CDON: variants seen among roughly 807,000 people sequenced by gnomAD.
The protein encoded by CDON is cell adhesion molecule-related/down-regulated by oncogenes.
Under a neutral mutation model 120.9 loss-of-function variants are expected in CDON, and 73 were observed. The ratio of observed to expected loss-of-function variants is 0.60; its 90% CI spans 0.50 to 0.73. CDON has a LOEUF of 0.73. Ranked by LOEUF, CDON falls within the 30% of genes least tolerant of loss-of-function variation. The pLI, the probability that CDON is intolerant of heterozygous loss-of-function variation, is 0.00. For missense variants in CDON, 1,470 were observed against 1,587.3 expected (o/e 0.93, Z 1.26); for synonymous variants, 566 against 573.5 (o/e 0.99, Z 0.19).
chr11:126,018,519 A>G, intron 4 of CDON, 46 bp from the exon 5 acceptor site: 2 of 1,504,878 alleles, frequency 1.3e-6, no homozygotes, highest in Non-Finnish European at 1.8e-6. Flanking sequence ...TTTATGAAGG[A>G]CACCACAGCA....
Position 125,994,418 on chromosome 11 carries a change from A to T in CDON, c.2545-29T>A, listed in dbSNP as rs1216791525. The T allele has an allele frequency of 4.1e-6, 5 of 1,211,750 alleles. No individual in the cohort carries two copies. The African/African-American group carries it at 7.5e-5, about 18-fold the overall frequency. The allele number at this position is 1,211,750 out of a possible 1,614,324, so 75.1% of individuals were successfully genotyped here. A position where few individuals can be genotyped will look rare whatever the true frequency, so the allele number is the denominator to read the frequency against. ...AAAAACAGAAGCAAAGACTTGTCAA[A>T]GAGAAAAATTAATGTAACCTTCTCA... On this transcript the variant is annotated intron_variant, in intron 13 of 19. Coordinates refer to ENST00000531738, the MANE Select transcript of CDON (RefSeq NM_001378964.1).
At chr11:125,991,446 T>C (rs1413365158) in intron 14 of CDON, among the ~76,000 whole-genome samples, 1 of 152,186 alleles carries the variant, frequency 6.6e-6, no homozygotes, top group Non-Finnish European at 1.5e-5. Flanking sequence ...GATATTTTAC[T>C]TGGAATTGAC....
intron 18 of CDON, among the ~76,000 whole-genome samples, chr11:125,970,172 G>GTTTTTTT (rs36021097): frequency 4.7e-4 from 48 of 103,140 alleles, no homozygotes; most frequent in East Asian, 1.1e-3. Flanking sequence ...GGTAGTTTAT[G>GTTTTTTT]TTTTTTTTTT....
intron 1 of CDON, among the ~76,000 whole-genome samples, chr11:126,032,955 C>T (rs1221333525): frequency 6.6e-6 from 1 of 152,158 alleles, no homozygotes; most frequent in African/African-American, 2.4e-5. Flanking sequence ...CTGCAGTGAG[C>T]TATGATCGCA....
At chr11:126,052,171 C>T (rs2134921516) in intron 1 of CDON, among the ~76,000 whole-genome samples, 1 of 152,294 alleles carries the variant, frequency 6.6e-6, no homozygotes, top group South Asian at 2.1e-4. Flanking sequence ...AAAAGACCTA[C>T]ATACAGTCAA....
intron 15 of CDON, among the ~76,000 whole-genome samples, chr11:125,985,347 T>A (rs767169491): frequency 7.9e-5 from 12 of 152,154 alleles, no homozygotes; most frequent in Non-Finnish European, 1.8e-4. Context: ...ATAATTTTTT[T>A]GATATTTTTA....
At chr11:126,017,445 T>G in intron 5 of CDON, 70 bp from the exon 6 acceptor site, 5 of 1,432,412 alleles carry the variant, frequency 3.5e-6, no homozygotes, top group Non-Finnish European at 4.9e-6. Context: ...AGCAAACCTG[T>G]GGGCATCACC....
Position 125,994,855 on chromosome 11 carries a change from G to A in CDON, c.2544+16C>T, listed in dbSNP as rs776069982. The A allele has an allele frequency of 6.2e-7, 1 of 1,606,768 alleles. No homozygotes were observed. The highest frequency in any genetic ancestry group is 2.2e-5 in the East Asian group (1 of 44,796). On this transcript the variant is annotated intron_variant, in intron 13 of 19. Coordinates refer to ENST00000531738, the MANE Select transcript of CDON (RefSeq NM_001378964.1). Reference sequence around the variant, plus strand: ...GACCAAACCACAAAATCTCATTCCAGAAGATGTGTACTGACCGTCCACTTT... The same window carrying A: ...GACCAAACCACAAAATCTCATTCCAAAAGATGTGTACTGACCGTCCACTTT...
At chr11:125,972,672 G>A (rs774089517) in intron 18 of CDON, among the ~76,000 whole-genome samples, 6 of 152,142 alleles carry the variant, frequency 3.9e-5, no homozygotes, top group Non-Finnish European at 2.9e-5. Context: ...GATAAAAGGG[G>A]TCAAGGGTTG....
intron 1 of CDON, among the ~76,000 whole-genome samples, chr11:126,026,669 C>A (rs1336451200): frequency 2.0e-5 from 3 of 152,158 alleles, no homozygotes; most frequent in Non-Finnish European, 2.9e-5. Context: ...TTCTTGCTGA[C>A]CTCCTTTAAA....
intron 7 of CDON, 111 bp from the exon 8 acceptor site, chr11:126,010,805 A>T (rs1483010907): frequency 7.3e-6 from 6 of 816,456 alleles, no homozygotes; most frequent in Non-Finnish European, 1.2e-5. Context: ...AAACCAAGAT[A>T]GCTACCTCCT....
chr11:126,056,954 G>A (rs1205003593), intron 1 of CDON, among the ~76,000 whole-genome samples: 1 of 152,152 alleles, frequency 6.6e-6, no homozygotes. Context: ...GGTTACTTCT[G>A]TACAACGCTA....
intron 13 of CDON, 120 bp downstream of exon 13, chr11:125,994,751 G>C (rs993017736): frequency 1.2e-6 from 1 of 839,710 alleles, no homozygotes; most frequent in African/African-American, 1.7e-5. Flanking sequence ...TGGTGCCCTT[G>C]CACTTCCCCT....
intron 10 of CDON, among the ~76,000 whole-genome samples, chr11:126,002,068 A>T (rs201534701): frequency 1.2e-5 from 1 of 82,868 alleles, no homozygotes; most frequent in Non-Finnish European, 2.8e-5. Context: ...AAATAAAGCT[A>T]AAATGTCTTT....
intron 8 of CDON, among the ~76,000 whole-genome samples, chr11:126,008,581 C>T (rs888575544): frequency 2.0e-5 from 3 of 152,028 alleles, no homozygotes; most frequent in Admixed American, 6.6e-5. Context: ...TGAGGAAGTT[C>T]GACAAAATAT....
intron 18 of CDON, among the ~76,000 whole-genome samples, chr11:125,970,788 C>T (rs779207596): frequency 6.6e-5 from 10 of 152,126 alleles, no homozygotes; most frequent in Non-Finnish European, 1.2e-4. Context: ...CAGACACACA[C>T]GAGCTTATAA....
At chr11:126,004,674 C>A (rs530213473) in intron 9 of CDON, among the ~76,000 whole-genome samples, 2 of 152,102 alleles carry the variant, frequency 1.3e-5, no homozygotes, top group African/African-American at 4.8e-5. Context: ...AGCAAAACTT[C>A]TTTATCTAGA....
At chr11:126,020,530 G>C (rs916101081) in intron 3 of CDON, among the ~76,000 whole-genome samples, 1 of 152,000 alleles carries the variant, frequency 6.6e-6, no homozygotes, top group East Asian at 1.9e-4. Context: ...GCTGTCCATG[G>C]GTCACAGCTC....
At chr11:126,036,158 C>T (rs1948092557) in intron 1 of CDON, among the ~76,000 whole-genome samples, 1 of 152,182 alleles carries the variant, frequency 6.6e-6, no homozygotes, top group South Asian at 2.1e-4. Flanking sequence ...CTTCTCTGTG[C>T]AAAACATAAT....
Sources: allele counts gnomAD v4.1 joint callset (sites outside exome capture counted in the v4.1 genomes callset), GRCh38; gene constraint gnomAD v4.1.1; transcripts MANE v1.5; gene names NCBI Gene and HGNC (gene_info 2026-07-23, HGNC 2026-07-21).